STARD13: variants seen among roughly 807,000 people sequenced by gnomAD.
The protein encoded by STARD13 is StAR related lipid transfer domain containing 13, also known as stAR-related lipid transfer protein 13.
A neutral mutation model predicts 106.4 loss-of-function variants in STARD13; 62 were observed. That is an observed-to-expected ratio of 0.58 (90% CI 0.48 to 0.72). The LOEUF is 0.72. STARD13 is among the 30% of genes least tolerant of loss of function. The probability of loss-of-function intolerance (pLI) is 0.00; values close to 1 mark genes in which losing one functional copy is unlikely to be tolerated. For synonymous variants in STARD13, 565 were observed against 553.0 expected, an observed-to-expected ratio of 1.02 and a Z score of -0.31; for missense variants, 1,387 against 1,424.0, an observed-to-expected ratio of 0.97 and a Z score of 0.42.
In STARD13 at chr13:33,317,217, A is replaced by ATCGTAGTGGCTTGTGATC. The variant is rs1436845371; in HGVS notation, c.124+33072_124+33073insGATCACAAGCCACTACGA. On this transcript the variant is annotated intron_variant, in intron 1 of 5. Coordinates refer to the STARD13 transcript ENST00000567873. Reference sequence around the variant, plus strand: ...TCTCTCATCTGAACTCCAGACTTGTATCCACCTGAATCTCTAATATGTCCC... The same window carrying ATCGTAGTGGCTTGTGATC: ...TCTCTCATCTGAACTCCAGACTTGTATCGTAGTGGCTTGTGATCTCCACCTGAATCTCTAATATGTCCC... Among the ~76,000 whole-genome samples, 743 of 152,216 alleles carry ATCGTAGTGGCTTGTGATC rather than the reference A, an allele frequency of 4.9e-3. 7 individuals carry two copies. The highest frequency in any genetic ancestry group is 0.017 in the African/African-American group (697 of 41,530).
chr13:33,234,139 C>T, intron 1 of STARD13, among the ~76,000 whole-genome samples: 1 of 152,154 alleles, frequency 6.6e-6, no homozygotes, highest in East Asian at 1.9e-4. Flanking sequence ...TCTGAATAGA[C>T]CCTCTTGAAC....
intron 1 of STARD13, among the ~76,000 whole-genome samples, chr13:33,247,450 C>T (rs368299400): frequency 3.3e-5 from 5 of 150,064 alleles, no homozygotes; most frequent in Admixed American, 1.3e-4. Flanking sequence ...GCAATGCCGT[C>T]GCCAGGACAA....
chr13:33,495,173 A>G, the STARD13 span, among the ~76,000 whole-genome samples: 1 of 152,220 alleles, frequency 6.6e-6, no homozygotes. Context: ...TGAGAATAAT[A>G]TCAGAAACCA....
At chr13:33,615,180 T>G in the STARD13 span, among the ~76,000 whole-genome samples, 25 of 152,098 alleles carry the variant, frequency 1.6e-4, no homozygotes, top group African/African-American at 6.0e-4. Context: ...CAAAAACCCC[T>G]GTGTTTTTGC....
the STARD13 span, among the ~76,000 whole-genome samples, chr13:33,665,344 T>A: frequency 6.6e-6 from 1 of 152,180 alleles, no homozygotes; most frequent in East Asian, 1.9e-4. Context: ...AAATAAACTT[T>A]TGACCAGATG....
At chr13:33,219,333 C>A (rs773257594) in intron 1 of STARD13, among the ~76,000 whole-genome samples, 5 of 151,760 alleles carry the variant, frequency 3.3e-5, no homozygotes, top group Non-Finnish European at 7.4e-5. Flanking sequence ...ACCATCTCAG[C>A]GCCTCCTTAG....
the STARD13 span, among the ~76,000 whole-genome samples, chr13:33,616,729 A>G: frequency 6.6e-6 from 1 of 152,366 alleles, no homozygotes; most frequent in Admixed American, 6.5e-5. Flanking sequence ...CTCTGCCTTT[A>G]AATTTGTTTA....
At chr13:33,301,568 C>G (rs111613461) in intron 1 of STARD13, among the ~76,000 whole-genome samples, 1 of 72,068 alleles carries the variant, frequency 1.4e-5, no homozygotes, top group Non-Finnish European at 3.1e-5. Context: ...CTTTTTTTTT[C>G]TTTTTTTTTT....
At chr13:33,149,270 T>C (rs1334872809) in intron 3 of STARD13, among the ~76,000 whole-genome samples, 1 of 152,032 alleles carries the variant, frequency 6.6e-6, no homozygotes, top group Non-Finnish European at 1.5e-5. Flanking sequence ...GGGATGTTGA[T>C]AGTGAGTGGG....
chr13:33,512,250 G>A, the STARD13 span, among the ~76,000 whole-genome samples: 1 of 152,132 alleles, frequency 6.6e-6, no homozygotes, highest in South Asian at 2.1e-4. Context: ...GCCAAAAGAG[G>A]ACTGCTGATT....
At chr13:33,375,804 T>TTGATG in the STARD13 span, among the ~76,000 whole-genome samples, 3 of 152,064 alleles carry the variant, frequency 2.0e-5, no homozygotes, top group African/African-American at 7.2e-5. Context: ...TCAGGTATGT[T>TTGATG]TTTATTAGCA....
At chr13:33,443,604 G>C in the STARD13 span, among the ~76,000 whole-genome samples, 10 of 152,044 alleles carry the variant, frequency 6.6e-5, no homozygotes, top group African/African-American at 7.2e-5. Context: ...AGGATGTCTC[G>C]GCCATGTGTG....
intron 1 of STARD13, among the ~76,000 whole-genome samples, chr13:33,263,246 C>T (rs1323525168): frequency 6.6e-6 from 1 of 152,042 alleles, no homozygotes; most frequent in African/African-American, 2.4e-5. Context: ...GCCAGCAGCA[C>T]CCACCCCCTA....
chr13:33,117,461 C>T (rs1192084290), intron 8 of STARD13: 1 of 316,794 alleles, frequency 3.2e-6, no homozygotes, highest in East Asian at 1.7e-4. Flanking sequence ...GTAGGATATG[C>T]TTCTTAATCA....
At chr13:33,582,427 T>A in the STARD13 span, among the ~76,000 whole-genome samples, 1 of 152,126 alleles carries the variant, frequency 6.6e-6, no homozygotes, top group African/African-American at 2.4e-5. Context: ...ATCCTCAAAC[T>A]TGGGTAAAAA....
the STARD13 span, among the ~76,000 whole-genome samples, chr13:33,666,497 G>A: frequency 6.6e-6 from 1 of 152,000 alleles, no homozygotes; most frequent in Admixed American, 6.6e-5. Flanking sequence ...GGATTTCACT[G>A]TGTTAGCCAG....
At chr13:33,304,592 C>T (rs1026029920) in intron 1 of STARD13, among the ~76,000 whole-genome samples, 1 of 152,158 alleles carries the variant, frequency 6.6e-6, no homozygotes, top group Non-Finnish European at 1.5e-5. Context: ...AACTTTAATG[C>T]ATGAGTTTTA....
chr13:33,220,600 A>G (rs1594124850), intron 1 of STARD13, among the ~76,000 whole-genome samples: 1 of 152,110 alleles, frequency 6.6e-6, no homozygotes, highest in Non-Finnish European at 1.5e-5. Context: ...GCTGAGGCAG[A>G]AGAATTGTTT....
At chr13:33,374,820 T>C in the STARD13 span, among the ~76,000 whole-genome samples, 1 of 152,114 alleles carries the variant, frequency 6.6e-6, no homozygotes, top group African/African-American at 2.4e-5. Flanking sequence ...GAGCAGTGTT[T>C]GTCAAACTTT....
Sources: gnomAD v4.1 joint callset for allele counts (sites outside exome capture counted in the v4.1 genomes callset) on GRCh38, gnomAD v4.1.1 for gene constraint, MANE v1.5 for transcripts, NCBI Gene and HGNC (gene_info 2026-07-23, HGNC 2026-07-21) for gene names.